Variants in ADAMTSL1 observed in about 807,000 individuals in gnomAD.
ADAMTSL1 encodes the protein ADAMTS-like protein 1.
In ADAMTSL1, 126 loss-of-function variants were observed where a neutral mutation model predicts 201.8. That is an observed-to-expected ratio of 0.62 (90% CI 0.54 to 0.72). The LOEUF is 0.72. Among genes scored for constraint, ADAMTSL1 ranks in the 30% least tolerant of loss-of-function variants. ADAMTSL1 has a pLI of 0.00. For missense variants in ADAMTSL1, 2,679 were observed against 2,277.8 expected (o/e 1.18, Z -3.59); for synonymous variants, 1,121 against 903.4 (o/e 1.24, Z -4.32).
At chr9:18,386,963 AG>A (rs778570138) in intron 2 of ADAMTSL1, among the ~76,000 whole-genome samples, 6 of 152,162 alleles carry the variant, frequency 3.9e-5, no homozygotes, top group Admixed American at 2.0e-4. Context: ...AAGGTGTCCA[AG>A]AAAGCAATTT....
intron 2 of ADAMTSL1, among the ~76,000 whole-genome samples, chr9:18,294,682 G>C (rs750787810): frequency 4.6e-5 from 7 of 152,174 alleles, no homozygotes; most frequent in Non-Finnish European, 1.0e-4. Context: ...TCAGACTCCA[G>C]AGGGGGCTCT....
intron 1 of ADAMTSL1, among the ~76,000 whole-genome samples, chr9:18,119,562 C>T (rs1825410115): frequency 6.6e-6 from 1 of 152,120 alleles, no homozygotes; most frequent in South Asian, 2.1e-4. Flanking sequence ...CTTGGCCTCC[C>T]AAAGTGCTGG....
intron 25 of ADAMTSL1, 70 bp from the exon 26 acceptor site, chr9:18,892,319 T>C: frequency 6.8e-7 from 1 of 1,472,826 alleles, no homozygotes; most frequent in Non-Finnish European, 9.2e-7. Context: ...GGGATGTCGG[T>C]GGGGAGGAGG....
At chr9:17,997,213 G>C (rs746242849) in intron 1 of ADAMTSL1, among the ~76,000 whole-genome samples, 1 of 152,010 alleles carries the variant, frequency 6.6e-6, no homozygotes, top group Non-Finnish European at 1.5e-5. Context: ...AAGCCACATG[G>C]TCTAAAAACA....
At chr9:18,162,334 C>T (rs1191469018) in intron 1 of ADAMTSL1, among the ~76,000 whole-genome samples, 1 of 151,986 alleles carries the variant, frequency 6.6e-6, no homozygotes, top group African/African-American at 2.4e-5. Context: ...TTTTTACATA[C>T]TCATGTGATT....
intron 1 of ADAMTSL1, among the ~76,000 whole-genome samples, chr9:17,996,165 A>AT (rs35149438): frequency 3.2e-4 from 47 of 148,238 alleles, no homozygotes; most frequent in Middle Eastern, 3.5e-3. Context: ...AGTGTTTTTA[A>AT]TTTTTTTTTT....
At chr9:18,265,246 CTCT>C (rs1433318200) in intron 2 of ADAMTSL1, among the ~76,000 whole-genome samples, 1 of 151,090 alleles carries the variant, frequency 6.6e-6, no homozygotes, top group Non-Finnish European at 1.5e-5. Flanking sequence ...CTCTTTCTGT[CTCT>C]TCTTCCCGGA....
rs1436156286 is a variant in ADAMTSL1, at chr9:18,777,667, G to A, written c.3438G>A (p.Arg1146=). ...KHVSGFSSSL[R]TSSTGDAGGG... ...TGTCTGGCTTCAGCAGCTCCCTGCG[G>A]ACCTCCTCCACCGGGGACGCCGGGG... The change falls in exon 19 of 29, where the codon CGG becomes CGA. Residue 1146 remains arginine (R), a synonymous_variant. Coordinates refer to ENST00000380548, the MANE Select transcript of ADAMTSL1 (RefSeq NM_001040272.6). 1 of 1,613,630 alleles carries A rather than the reference G, an allele frequency of 6.2e-7. No homozygotes were observed. The highest frequency in any genetic ancestry group is 8.5e-7 in the Non-Finnish European group (1 of 1,179,826).
chr9:18,855,189 A>G (rs1323248409), intron 23 of ADAMTSL1, among the ~76,000 whole-genome samples: 1 of 152,186 alleles, frequency 6.6e-6, no homozygotes, highest in Non-Finnish European at 1.5e-5. Flanking sequence ...GCTGGTAGAA[A>G]GAAGGCCGGG....
intron 1 of ADAMTSL1, among the ~76,000 whole-genome samples, chr9:18,092,468 A>G (rs905642536): frequency 6.6e-6 from 1 of 152,256 alleles, no homozygotes; most frequent in Non-Finnish European, 1.5e-5. Context: ...AAAGTCAAAC[A>G]TGAATTATTT....
chr9:18,194,520 T>C (rs1257601538), intron 2 of ADAMTSL1, among the ~76,000 whole-genome samples: 2 of 152,122 alleles, frequency 1.3e-5, no homozygotes, highest in Non-Finnish European at 2.9e-5. Flanking sequence ...CCATTCCAGC[T>C]TGATGAAGTC....
chr9:18,396,161 G>T (rs1817745008), intron 2 of ADAMTSL1, among the ~76,000 whole-genome samples: 1 of 152,156 alleles, frequency 6.6e-6, no homozygotes, highest in African/African-American at 2.4e-5. Flanking sequence ...TCATTAAACT[G>T]TTGGCCTGCC....
chr9:18,581,607 TG>T (rs1823097228), intron 4 of ADAMTSL1, among the ~76,000 whole-genome samples: 1 of 152,232 alleles, frequency 6.6e-6, no homozygotes, highest in Admixed American at 6.5e-5. Flanking sequence ...TAGTGCATCC[TG>T]GGACATCATT....
intron 1 of ADAMTSL1, among the ~76,000 whole-genome samples, chr9:17,975,601 A>G (rs1351220935): frequency 1.3e-5 from 2 of 152,086 alleles, no homozygotes; most frequent in Non-Finnish European, 2.9e-5. Context: ...CATTGAGACC[A>G]TAGCAGACAC....
At chr9:18,359,722 C>G (rs576785558) in intron 2 of ADAMTSL1, among the ~76,000 whole-genome samples, 202 of 151,818 alleles carry the variant, frequency 1.3e-3, no homozygotes, top group Middle Eastern at 3.4e-3. Context: ...TGTATACAGC[C>G]TGATTCATAT....
At chr9:18,293,641 A>G (rs1004003063) in intron 2 of ADAMTSL1, among the ~76,000 whole-genome samples, 14 of 152,234 alleles carry the variant, frequency 9.2e-5, no homozygotes, top group Non-Finnish European at 1.5e-4. Flanking sequence ...CATGGGGAAG[A>G]TAAGACACTG....
chr9:18,905,744 G>A (rs1412997115), intron 26 of ADAMTSL1, 38 bp from the exon 27 acceptor site: 1 of 1,556,020 alleles, frequency 6.4e-7, no homozygotes, highest in South Asian at 1.2e-5. Context: ...CCCTTGACTT[G>A]GCTAATGTGC....
At chr9:18,268,935 T>A (rs1832244642) in intron 2 of ADAMTSL1, among the ~76,000 whole-genome samples, 1 of 152,140 alleles carries the variant, frequency 6.6e-6, no homozygotes, top group Non-Finnish European at 1.5e-5. Context: ...AGCTAAACTT[T>A]CAGTATCATT....
At chr9:17,969,016 G>T (rs1818093583) in intron 1 of ADAMTSL1, among the ~76,000 whole-genome samples, 1 of 151,858 alleles carries the variant, frequency 6.6e-6, no homozygotes, top group South Asian at 2.1e-4. Flanking sequence ...CAGGAGTTCT[G>T]TATGATAAAA....
Sources: allele counts gnomAD v4.1 joint callset (sites outside exome capture counted in the v4.1 genomes callset), GRCh38; gene constraint gnomAD v4.1.1; transcripts MANE v1.5; gene names NCBI Gene and HGNC (gene_info 2026-07-23, HGNC 2026-07-21).